SNAP29: variants seen among roughly 807,000 people sequenced by gnomAD.
SNAP29 encodes synaptosome associated protein 29.
SNAP29 carries 13 observed loss-of-function variants against 27.9 expected under a neutral mutation model. The observed-to-expected ratio is 0.47, with a 90% confidence interval of 0.30 to 0.74. The LOEUF (loss-of-function observed/expected upper bound fraction) is 0.74. Ranked by LOEUF, SNAP29 falls within the 30% of genes least tolerant of loss-of-function variation. The pLI, the probability that SNAP29 is intolerant of heterozygous loss-of-function variation, is 0.06. For synonymous variants in SNAP29, 119 were observed against 127.1 expected (o/e 0.94, Z 0.43); for missense variants, 368 against 336.5 (o/e 1.09, Z -0.73).
At chr22:20,874,536 G>T (rs116044920) in intron 2 of SNAP29, among the ~76,000 whole-genome samples, 1 of 147,156 alleles carries the variant, frequency 6.8e-6, no homozygotes, top group East Asian at 2.0e-4. Context: ...GATTGTACCA[G>T]TCTACTCCAG....
chr22:20,876,761 G>A (rs1240507214), intron 2 of SNAP29, among the ~76,000 whole-genome samples: 2 of 151,894 alleles, frequency 1.3e-5, no homozygotes, highest in Non-Finnish European at 2.9e-5. Context: ...TAGTAGAGAT[G>A]GGGTTTCACC....
intron 2 of SNAP29, among the ~76,000 whole-genome samples, chr22:20,878,096 G>A (rs1054410280): frequency 6.6e-6 from 1 of 152,206 alleles, no homozygotes; most frequent in Non-Finnish European, 1.5e-5. Flanking sequence ...GTCTGGACTT[G>A]CTCTTGCAAG....
chr22:20,871,039 G>A (rs982503115), intron 2 of SNAP29: 1 of 206,940 alleles, frequency 4.8e-6, no homozygotes, highest in Non-Finnish European at 9.9e-6. Context: ...TGAGGTAAGA[G>A]GATCTCATGA....
chr22:20,870,792 C>T (rs369891844), intron 2 of SNAP29: 21 of 555,268 alleles, frequency 3.8e-5, no homozygotes, highest in African/African-American at 3.8e-4. Context: ...AGGGTGTTCA[C>T]CTCAGCGTAA....
intron 2 of SNAP29, among the ~76,000 whole-genome samples, chr22:20,880,808 A>G (rs569146419): frequency 6.6e-6 from 1 of 152,094 alleles, no homozygotes; most frequent in Non-Finnish European, 1.5e-5. Flanking sequence ...GATTACAGGC[A>G]TGAGTCACCA....
At chr22:20,882,271 G>A (rs117104177) in intron 3 of SNAP29, among the ~76,000 whole-genome samples, 1,996 of 151,570 alleles carry the variant, frequency 0.013, 19 homozygotes, top group Non-Finnish European at 0.021. Context: ...ACAGCCTCCA[G>A]CCCAAGCAGA....
At chr22:20,876,249 C>CT (rs1171985403) in intron 2 of SNAP29, among the ~76,000 whole-genome samples, 1 of 142,982 alleles carries the variant, frequency 7.0e-6, no homozygotes, top group Non-Finnish European at 1.5e-5. Flanking sequence ...CACTTAAAAA[C>CT]TTTGCCTTTT....
chr22:20,860,823 A>C (rs1393395651), intron 1 of SNAP29, among the ~76,000 whole-genome samples: 3 of 152,198 alleles, frequency 2.0e-5, no homozygotes, highest in Non-Finnish European at 2.9e-5. Flanking sequence ...TGAGGTAGGC[A>C]GATCATTTTA....
At chr22:20,878,138 G>A (rs1251456604) in intron 2 of SNAP29, among the ~76,000 whole-genome samples, 1 of 152,184 alleles carries the variant, frequency 6.6e-6, no homozygotes, top group Non-Finnish European at 1.5e-5. Flanking sequence ...AACTGAAGAG[G>A]TGCTTGCCAG....
rs1928889346 is a variant in SNAP29, at chr22:20,881,438, A to T, written c.520+304A>T. On this transcript the variant is annotated intron_variant, in intron 3 of 4. Coordinates refer to ENST00000215730, the MANE Select transcript of SNAP29 (RefSeq NM_004782.4). ...TGCCCGGCCAGCCTGGTGCAGTAACACACGCCTGTAATCCCAGCACTTTGG... is the reference window on the plus strand; with the variant it reads ...TGCCCGGCCAGCCTGGTGCAGTAACTCACGCCTGTAATCCCAGCACTTTGG... Among the ~76,000 whole-genome samples the T allele has an allele frequency of 2.6e-5, 4 of 152,308 alleles. No homozygotes were observed. In the South Asian group the frequency reaches 8.3e-4, roughly 32 times the overall value.
At chr22:20,869,026 C>T (rs1461216706) in intron 1 of SNAP29, among the ~76,000 whole-genome samples, 1 of 152,158 alleles carries the variant, frequency 6.6e-6, no homozygotes, top group Non-Finnish European at 1.5e-5. Context: ...CCTGTAATCC[C>T]AGCACTTTGG....
intron 3 of SNAP29, among the ~76,000 whole-genome samples, chr22:20,881,432 A>G (rs956704045): frequency 2.6e-5 from 4 of 152,344 alleles, no homozygotes; most frequent in Admixed American, 2.6e-4. Flanking sequence ...AGCCTGGTGC[A>G]GTAACACACG....
rs747639126 is a variant in SNAP29, at chr22:20,870,574, G to A, written c.434+41G>A. On this transcript the variant is annotated intron_variant, in intron 2 of 4. Coordinates refer to ENST00000215730, the MANE Select transcript of SNAP29 (RefSeq NM_004782.4). ...ACCATCTGGGTATAAAGGAGCAGAA[G>A]TGGGGATTAGTGCAAATGACCAAGA... 2.5e-6 allele frequency: 4 copies of A among 1,569,164 alleles called. No homozygotes were observed. In the African/African-American group the frequency reaches 4.1e-5, roughly 16 times the overall value.
intron 2 of SNAP29, chr22:20,871,166 T>C (rs561228268): frequency 6.5e-6 from 1 of 153,636 alleles, no homozygotes; most frequent in African/African-American, 2.4e-5. Flanking sequence ...ATTTGTCATA[T>C]CTAATCCAAT....
chr22:20,867,703 T>C (rs545551055), intron 1 of SNAP29, among the ~76,000 whole-genome samples: 32 of 152,350 alleles, frequency 2.1e-4, no homozygotes, highest in African/African-American at 6.7e-4. Flanking sequence ...CACAGACTTC[T>C]CTGTGCTCCC....
Position 20,870,193 on chromosome 22 carries a change from G to T in SNAP29, c.238-144G>T, listed in dbSNP as rs1292912815. ...GGCAAAGGAATGTGTTGTTGGAAAGGGTAGTGTGCCCCTCACAGATGACAG... is the reference window on the plus strand; with the variant it reads ...GGCAAAGGAATGTGTTGTTGGAAAGTGTAGTGTGCCCCTCACAGATGACAG... On this transcript the variant is annotated intron_variant, in intron 1 of 4. Coordinates refer to ENST00000215730, the MANE Select transcript of SNAP29 (RefSeq NM_004782.4). 6.9e-6 allele frequency: 5 copies of T among 722,562 alleles called. No individual in the cohort carries two copies. In the East Asian group the frequency reaches 1.1e-4, roughly 15 times the overall value. 44.8% of individuals were successfully genotyped at this position (722,562 alleles called of 1,614,324 possible).
intron 4 of SNAP29, among the ~76,000 whole-genome samples, chr22:20,885,017 C>T (rs1372502232): frequency 2.0e-5 from 3 of 152,164 alleles, no homozygotes; most frequent in East Asian, 3.8e-4. Flanking sequence ...TCAGGTGACC[C>T]GCCTGTCTCG....
chr22:20,877,129 A>G (rs1230769810), intron 2 of SNAP29, among the ~76,000 whole-genome samples: 2 of 152,200 alleles, frequency 1.3e-5, no homozygotes, highest in Non-Finnish European at 2.9e-5. Flanking sequence ...TCTCCCTAGA[A>G]ATTGGCTTTC....
At position 20,870,525 on chromosome 22, in the gene SNAP29, C is replaced by T. The variant is rs754067091; in HGVS notation, c.426C>T (p.Pro142=). 3 of 1,613,864 alleles carry T rather than the reference C, an allele frequency of 1.9e-6. No individual in the cohort carries two copies. The Middle Eastern group carries it at 4.9e-4, about 266-fold the overall frequency. The change falls in exon 2 of 5, where the codon CCC becomes CCT. Residue 142 remains proline (P), a synonymous_variant. Coordinates refer to ENST00000215730, the MANE Select transcript of SNAP29 (RefSeq NM_004782.4). ...PEQNGTLTSQ[P]NNRLKEAIST... ...AGAATGGCACCCTCACCTCCCAGCC[C>T]AACAACAGGTGAGTGCATCTTCTAC... is the stretch of plus-strand genomic sequence containing the variant.
Sources: gnomAD v4.1 joint callset for allele counts (sites outside exome capture counted in the v4.1 genomes callset) on GRCh38, gnomAD v4.1.1 for gene constraint, MANE v1.5 for transcripts, NCBI Gene and HGNC (gene_info 2026-07-23, HGNC 2026-07-21) for gene names.